RPGRIP1L: variants seen among roughly 807,000 people sequenced by gnomAD.
RPGRIP1L encodes the protein RPGRIP1 like.
A neutral mutation model predicts 160.4 loss-of-function variants in RPGRIP1L; 131 were observed. That is an observed-to-expected ratio of 0.82 (90% CI 0.71 to 0.94). The LOEUF is 0.94. Among genes scored for constraint, RPGRIP1L ranks in the 40% least tolerant of loss-of-function variants. The pLI is 0.00. For synonymous variants in RPGRIP1L, 510 were observed against 515.8 expected, an observed-to-expected ratio of 0.99 and a Z score of 0.15; for missense variants, 1,522 against 1,535.8, an observed-to-expected ratio of 0.99 and a Z score of 0.15.
intron 8 of RPGRIP1L, among the ~76,000 whole-genome samples, chr16:53,672,629 A>G (rs1968831213): frequency 6.6e-6 from 1 of 152,142 alleles, no homozygotes; most frequent in African/African-American, 2.4e-5. Flanking sequence ...TGCTGGTTTC[A>G]TTTTACTCAA....
chr16:53,671,638 G>A (rs962592955), intron 8 of RPGRIP1L, 55 bp from the exon 9 acceptor site: 2 of 915,474 alleles, frequency 2.2e-6, no homozygotes, highest in South Asian at 1.6e-5. Context: ...ACCACTTGGG[G>A]GTAAAAAAAA....
At chr16:53,606,087 G>T (rs932067166) in intron 25 of RPGRIP1L, among the ~76,000 whole-genome samples, 33 of 152,216 alleles carry the variant, frequency 2.2e-4, no homozygotes, top group Admixed American at 8.5e-4. Flanking sequence ...TCTACAAAAT[G>T]CAGAGATCAT....
In RPGRIP1L at chr16:53,644,056, C is replaced by T. The variant is rs113590492; in HGVS notation, c.2683+1569G>A. Among the ~76,000 whole-genome samples, 42 of 152,162 alleles carry T rather than the reference C, an allele frequency of 2.8e-4. 2 individuals carry two copies. Among genetic ancestry groups the T allele is most frequent in the South Asian group, 1.5e-3 (7 of 4,818 alleles). On this transcript the variant is annotated intron_variant, in intron 17 of 26. Transcript: ENST00000647211. ...AGTAAGAGATTATAATGTTTGGGTG[C>T]GGTAGCATGTGCCTGTAGTTTTAGC...
At chr16:53,702,318 G>A (rs139641825) in intron 1 of RPGRIP1L, among the ~76,000 whole-genome samples, 4 of 152,160 alleles carry the variant, frequency 2.6e-5, no homozygotes, top group Non-Finnish European at 5.9e-5. Context: ...ACAAGGAAGC[G>A]GGATGCTACT....
At chr16:53,691,681 C>T (rs1045478190) in intron 4 of RPGRIP1L, among the ~76,000 whole-genome samples, 2 of 152,172 alleles carry the variant, frequency 1.3e-5, no homozygotes, top group South Asian at 4.1e-4. Flanking sequence ...TTGCAAATTT[C>T]GAAAAGGTCT....
intron 6 of RPGRIP1L, among the ~76,000 whole-genome samples, chr16:53,680,432 T>C (rs1320083568): frequency 6.6e-6 from 1 of 151,956 alleles, no homozygotes; most frequent in Non-Finnish European, 1.5e-5. Context: ...TGCATACAAC[T>C]GTCAATGGGC....
chr16:53,670,867 G>A (rs1267870058), intron 9 of RPGRIP1L, among the ~76,000 whole-genome samples: 1 of 152,126 alleles, frequency 6.6e-6, no homozygotes, highest in African/African-American at 2.4e-5. Flanking sequence ...GGCTGAGGCA[G>A]GAGGATCACT....
At chr16:53,672,602 T>C (rs1339577903) in intron 8 of RPGRIP1L, among the ~76,000 whole-genome samples, 3 of 152,174 alleles carry the variant, frequency 2.0e-5, no homozygotes, top group East Asian at 3.9e-4. Flanking sequence ...ATAGGTAATC[T>C]GGCATCAGTT....
At chr16:53,693,599 A>G (rs1439851206) in intron 3 of RPGRIP1L, 1 of 152,242 alleles carries the variant, frequency 6.6e-6, no homozygotes, top group African/African-American at 2.4e-5. Flanking sequence ...CATGCTTTAT[A>G]AAGGATACAG....
intron 11 of RPGRIP1L, 142 bp from the exon 12 acceptor site, chr16:53,658,606 C>T (rs1238525164): frequency 2.3e-6 from 2 of 865,976 alleles, no homozygotes; most frequent in African/African-American, 3.3e-5. Flanking sequence ...CATTCCAGTG[C>T]TTCAAAATGT....
At chr16:53,667,808 G>A (rs980807484) in intron 9 of RPGRIP1L, among the ~76,000 whole-genome samples, 2 of 152,030 alleles carry the variant, frequency 1.3e-5, no homozygotes, top group African/African-American at 4.8e-5. Context: ...GGGAGGCAGG[G>A]GTTGCAGTGA....
At chr16:53,603,324 A>C (rs1260626131) in intron 26 of RPGRIP1L, among the ~76,000 whole-genome samples, 2 of 152,124 alleles carry the variant, frequency 1.3e-5, no homozygotes, top group African/African-American at 4.8e-5. Flanking sequence ...ATGAGTCTTC[A>C]TATAGTTTCT....
intron 22 of RPGRIP1L, among the ~76,000 whole-genome samples, chr16:53,631,871 T>C (rs996905796): frequency 6.6e-6 from 1 of 152,160 alleles, no homozygotes; most frequent in East Asian, 1.9e-4. Context: ...CGAAGAAAGA[T>C]AGGGGCAAAT....
At position 53,671,552 on chromosome 16, in the gene RPGRIP1L, T is replaced by C. The variant is rs752128105; in HGVS notation, c.1061A>G (p.Glu354Gly). 9 of 1,571,500 alleles carry C rather than the reference T, an allele frequency of 5.7e-6. No homozygotes were observed. In the African/African-American group the frequency reaches 1.2e-4, roughly 21 times the overall value. The change falls in exon 9 of 27, where the codon GAA becomes GGA. Residue 354 changes from glutamate to glycine, a missense_variant. Physicochemically the swap from Glu to Gly is moderately conservative, Grantham distance 98. Coordinates refer to ENST00000647211, the MANE Select transcript of RPGRIP1L (RefSeq NM_015272.5). Reference protein sequence around the residue: ...LQDRINDLEKERELLKENYDK... With the variant: ...LQDRINDLEKGRELLKENYDK... ...ATAGTTTTCCTTTAAAAGTTCCCGTTCCTTTTCTAAATCATTAATTCTATC... is the reference window on the plus strand; with the variant it reads ...ATAGTTTTCCTTTAAAAGTTCCCGTCCCTTTTCTAAATCATTAATTCTATC...
At chr16:53,688,313 C>T (rs983386174) in intron 4 of RPGRIP1L, among the ~76,000 whole-genome samples, 5 of 151,802 alleles carry the variant, frequency 3.3e-5, no homozygotes, top group Admixed American at 6.6e-5. Context: ...GTTATAAAAA[C>T]CTGATTTTTT....
At chr16:53,695,609 A>AT (rs1567892231) in intron 3 of RPGRIP1L, 6 of 581,938 alleles carry the variant, frequency 1.0e-5, no homozygotes, top group Non-Finnish European at 1.8e-5. Context: ...TTTTGCCAAG[A>AT]TTTTTTGCAC....
At chr16:53,621,979 C>T (rs1964747097) in intron 23 of RPGRIP1L, among the ~76,000 whole-genome samples, 1 of 120,262 alleles carries the variant, frequency 8.3e-6, no homozygotes, top group Non-Finnish European at 1.6e-5. Context: ...GCCGAGATTG[C>T]GTTACTGCAC....
intron 19 of RPGRIP1L, among the ~76,000 whole-genome samples, chr16:53,639,229 G>A (rs1387374653): frequency 6.6e-6 from 1 of 151,732 alleles, no homozygotes; most frequent in East Asian, 1.9e-4. Context: ...AAATGTAAAA[G>A]ATAAATATAA....
At chr16:53,611,166 C>T in intron 24 of RPGRIP1L, 115 bp from the exon 25 acceptor site, 1 of 734,174 alleles carries the variant, frequency 1.4e-6, no homozygotes, top group Non-Finnish European at 2.4e-6. Flanking sequence ...CATGCCACCT[C>T]ACTTGCATGC....
Sources: allele counts gnomAD v4.1 joint callset (sites outside exome capture counted in the v4.1 genomes callset), GRCh38; gene constraint gnomAD v4.1.1; transcripts MANE v1.5; gene names NCBI Gene and HGNC (gene_info 2026-07-23, HGNC 2026-07-21).